Variants in PPP2R2C observed in about 807,000 individuals in gnomAD.
The protein encoded by PPP2R2C is protein phosphatase 2 regulatory subunit Bgamma.
A neutral mutation model predicts 45.3 loss-of-function variants in PPP2R2C; 10 were observed. The observed-to-expected ratio is 0.22, with a 90% CI of 0.14 to 0.37. The LOEUF (loss-of-function observed/expected upper bound fraction) is 0.37, where lower values mean the gene tolerates loss of function less well. Ranked by LOEUF, PPP2R2C falls within the 10% of genes least tolerant of loss-of-function variation. The pLI, the probability that PPP2R2C is intolerant of heterozygous loss-of-function variation, is 1.00. For missense variants in PPP2R2C, 308 were observed against 619.7 expected (o/e 0.50, Z 5.34); for synonymous variants, 257 against 245.4 (o/e 1.05, Z -0.44).
intron 1 of PPP2R2C, among the ~76,000 whole-genome samples, chr4:6,409,408 A>G (rs1039914321): frequency 4.6e-5 from 7 of 152,150 alleles, no homozygotes; most frequent in African/African-American, 1.7e-4. Flanking sequence ...TTCCTGGAAG[A>G]CGGGCCAGTG....
chr4:6,350,076 A>C, intron 5 of PPP2R2C: 2 of 985,446 alleles, frequency 2.0e-6, no homozygotes, highest in Non-Finnish European at 2.4e-6. Context: ...AAATAGAAAG[A>C]GAGGGAAAAA....
chr4:6,355,576 G>C (rs1025545583), intron 5 of PPP2R2C, among the ~76,000 whole-genome samples: 3 of 151,592 alleles, frequency 2.0e-5, no homozygotes, highest in African/African-American at 7.3e-5. Flanking sequence ...AAGAGGCATG[G>C]TCAAGGAGGC....
chr4:6,382,578 G>C lies in PPP2R2C; in HGVS notation c.71-1484C>G. The C allele has an allele frequency of 2.3e-6, 3 of 1,284,828 alleles. No individual in the cohort carries two copies. In the South Asian group the frequency reaches 3.6e-5, roughly 16 times the overall value. 79.6% of individuals were successfully genotyped at this position (1,284,828 alleles called of 1,614,324 possible). On this transcript the variant is annotated intron_variant, in intron 1 of 8. Coordinates refer to ENST00000382599, the MANE Select transcript of PPP2R2C (RefSeq NM_020416.4). The stretch of plus-strand genomic sequence containing the variant: ...GCTTCCCCAGTCTCAGGTGATGACA[G>C]CTCTATTGTTCACTTGCTCAGGCCC...
intron 1 of PPP2R2C, 117 bp downstream of exon 1, chr4:6,472,043 G>A: frequency 8.0e-7 from 1 of 1,251,220 alleles, no homozygotes; most frequent in Non-Finnish European, 1.1e-6. Context: ...GGTGGGGTGG[G>A]GTGGGGCGGG....
intron 1 of PPP2R2C, among the ~76,000 whole-genome samples, chr4:6,397,663 C>A (rs1424638947): frequency 6.7e-6 from 1 of 149,072 alleles, no homozygotes; most frequent in Non-Finnish European, 1.5e-5. Flanking sequence ...AGCTGCCAGA[C>A]CTACCAGGGG....
At chr4:6,425,155 G>T (rs181838816) in intron 1 of PPP2R2C, among the ~76,000 whole-genome samples, 25 of 152,304 alleles carry the variant, frequency 1.6e-4, no homozygotes, top group Non-Finnish European at 2.6e-4. Flanking sequence ...GAGTCAGGGG[G>T]CCTTCCCTGT....
chr4:6,562,549 G>A (rs933273020), intron 1 of PPP2R2C, among the ~76,000 whole-genome samples: 6 of 152,102 alleles, frequency 3.9e-5, no homozygotes, highest in Admixed American at 2.6e-4. Context: ...ACCCTACCCC[G>A]GTCCACCAGC....
At chr4:6,541,646 A>G (rs1724805950) in intron 1 of PPP2R2C, among the ~76,000 whole-genome samples, 1 of 152,158 alleles carries the variant, frequency 6.6e-6, no homozygotes, top group African/African-American at 2.4e-5. Context: ...TCCCAGGTCA[A>G]GCAATCCTCC....
chr4:6,423,994 G>A (rs1025418884), intron 1 of PPP2R2C, among the ~76,000 whole-genome samples: 1 of 152,232 alleles, frequency 6.6e-6, no homozygotes, highest in Non-Finnish European at 1.5e-5. Context: ...CTGTCCTGGG[G>A]CCAAGGCACC....
intron 5 of PPP2R2C, chr4:6,350,039 A>G: frequency 3.0e-6 from 3 of 985,466 alleles, no homozygotes; most frequent in Non-Finnish European, 3.6e-6. Flanking sequence ...GAAGCACGTC[A>G]TTAACCACAA....
chr4:6,337,187 A>G (rs1733047942), intron 6 of PPP2R2C, among the ~76,000 whole-genome samples: 1 of 126,840 alleles, frequency 7.9e-6, no homozygotes, highest in East Asian at 2.5e-4. Flanking sequence ...GTTAAGCCAA[A>G]GAAGGATCAA....
chr4:6,453,486 A>G (rs1019827952), intron 1 of PPP2R2C, among the ~76,000 whole-genome samples: 20 of 89,192 alleles, frequency 2.2e-4, no homozygotes, highest in African/African-American at 8.3e-4. Context: ...TGCCCACCCC[A>G]CCCCACCCCA....
chr4:6,347,592 C>T (rs1441533138), intron 6 of PPP2R2C, among the ~76,000 whole-genome samples: 1 of 152,110 alleles, frequency 6.6e-6, no homozygotes, highest in Non-Finnish European at 1.5e-5. Context: ...GATGCCCTGA[C>T]CCTCGCCCTA....
At chr4:6,414,179 CTCCTG>C in intron 1 of PPP2R2C, 1 of 917,082 alleles carries the variant, frequency 1.1e-6, no homozygotes. Flanking sequence ...CTTTTTCCTC[CTCCTG>C]GCTGGAGCTA....
chr4:6,555,333 C>T (rs548765207), intron 1 of PPP2R2C, among the ~76,000 whole-genome samples: 1 of 152,342 alleles, frequency 6.6e-6, no homozygotes, highest in African/African-American at 2.4e-5. Flanking sequence ...CTGCCCTGTG[C>T]AATCATTCAT....
chr4:6,544,602 G>A (rs1724915153), intron 1 of PPP2R2C, among the ~76,000 whole-genome samples: 1 of 152,186 alleles, frequency 6.6e-6, no homozygotes, highest in Non-Finnish European at 1.5e-5. Flanking sequence ...CTCCCAACGT[G>A]CTGGGATTAC....
intron 1 of PPP2R2C, among the ~76,000 whole-genome samples, chr4:6,455,726 C>T (rs1260657651): frequency 6.6e-6 from 1 of 152,210 alleles, no homozygotes; most frequent in African/African-American, 2.4e-5. Context: ...CAGATCACCA[C>T]CACACCTGCC....
chr4:6,381,695 G>T (rs1715807052), intron 1 of PPP2R2C: 1 of 1,544,350 alleles, frequency 6.5e-7, no homozygotes, highest in South Asian at 1.3e-5. Flanking sequence ...AGCCCTGCCT[G>T]CCCTGACCCT....
intron 1 of PPP2R2C, among the ~76,000 whole-genome samples, chr4:6,402,094 A>G (rs1717453668): frequency 6.6e-6 from 1 of 152,232 alleles, no homozygotes; most frequent in Non-Finnish European, 1.5e-5. Flanking sequence ...GAGGATAAGA[A>G]GAATACTGTT....
Sources: allele counts gnomAD v4.1 joint callset (sites outside exome capture counted in the v4.1 genomes callset), GRCh38; gene constraint gnomAD v4.1.1; transcripts MANE v1.5; gene names NCBI Gene and HGNC (gene_info 2026-07-23, HGNC 2026-07-21).